The following SMYD3 variants were observed in gnomAD, a reference collection of about 807,000 sequenced individuals.
The protein encoded by SMYD3 is SET and MYND domain containing 3, also known as histone-lysine N-methyltransferase SMYD3.
A neutral mutation model predicts 57.7 loss-of-function variants in SMYD3; 36 were observed. The ratio of observed to expected loss-of-function variants is 0.62; its 90% CI spans 0.48 to 0.82. The LOEUF is 0.82. Among genes scored for constraint, SMYD3 ranks in the 40% least tolerant of loss-of-function variants. The probability of loss-of-function intolerance (pLI) is 0.00; values close to 1 mark genes in which losing one functional copy is unlikely to be tolerated. For synonymous variants in SMYD3, 211 were observed against 195.0 expected (o/e 1.08, Z -0.68); for missense variants, 515 against 538.8 (o/e 0.96, Z 0.44).
At chr1:246,151,039 A>G (rs1442981516) in intron 5 of SMYD3, among the ~76,000 whole-genome samples, 1 of 152,086 alleles carries the variant, frequency 6.6e-6, no homozygotes, top group African/African-American at 2.4e-5. Flanking sequence ...CGAGGTCAGG[A>G]GTTCAAGACC....
intron 5 of SMYD3, among the ~76,000 whole-genome samples, chr1:246,017,518 G>C (rs952430482): frequency 1.3e-5 from 2 of 152,126 alleles, no homozygotes; most frequent in Non-Finnish European, 2.9e-5. Context: ...TCTCAGTTTG[G>C]GGTTGCTTGA....
At chr1:246,164,161 A>G (rs1318911842) in intron 5 of SMYD3, among the ~76,000 whole-genome samples, 1 of 152,172 alleles carries the variant, frequency 6.6e-6, no homozygotes, top group Non-Finnish European at 1.5e-5. Context: ...AACGAGCTAT[A>G]TAAAAATAAG....
chr1:245,770,912 G>A (rs2046306367), intron 10 of SMYD3, among the ~76,000 whole-genome samples: 1 of 152,064 alleles, frequency 6.6e-6, no homozygotes, highest in South Asian at 2.1e-4. Flanking sequence ...TGAACTGCAA[G>A]GTAGGTCAAA....
intron 5 of SMYD3, among the ~76,000 whole-genome samples, chr1:246,091,129 T>G (rs768594451): frequency 3.3e-5 from 5 of 152,174 alleles, no homozygotes; most frequent in Admixed American, 2.6e-4. Context: ...AAGACTGGGA[T>G]GCCAGGCGTA....
chr1:246,043,883 G>A (rs1277884461), intron 5 of SMYD3, among the ~76,000 whole-genome samples: 1 of 152,128 alleles, frequency 6.6e-6, no homozygotes, highest in Non-Finnish European at 1.5e-5. Context: ...ACAGAGAGTG[G>A]ACTGGATAAT....
intron 5 of SMYD3, among the ~76,000 whole-genome samples, chr1:246,099,022 C>T (rs2060964097): frequency 6.6e-6 from 1 of 152,146 alleles, no homozygotes; most frequent in African/African-American, 2.4e-5. Flanking sequence ...TCCAGCCAAC[C>T]TCTTCTAACC....
chr1:245,995,789 T>G (rs1223183613), intron 5 of SMYD3, among the ~76,000 whole-genome samples: 1 of 151,986 alleles, frequency 6.6e-6, no homozygotes, highest in Non-Finnish European at 1.5e-5. Context: ...CAGAGACACA[T>G]GCAACTCCTG....
chr1:245,993,576 AAAAAGATAGATAGATAGATAGATAGAT>A (rs1187821086), intron 5 of SMYD3, among the ~76,000 whole-genome samples: 2 of 120,368 alleles, frequency 1.7e-5, no homozygotes, highest in Non-Finnish European at 3.7e-5. Flanking sequence ...CTCAAAAAAA[AAAAAGATAGATAGATAGATAGATAGAT>A]AGATAGATAG....
At chr1:245,894,275 CA>C (rs2053599422) in intron 8 of SMYD3, among the ~76,000 whole-genome samples, 2 of 94 alleles carry the variant, frequency 0.021, no homozygotes, top group Admixed American at 0.1. Flanking sequence ...ATGGACCAAT[CA>C]GCACCCTGTA....
chr1:246,258,326 T>C (rs1303716431), intron 5 of SMYD3, among the ~76,000 whole-genome samples: 1 of 152,144 alleles, frequency 6.6e-6, no homozygotes, highest in African/African-American at 2.4e-5. Flanking sequence ...TGAGCCACCA[T>C]GCCTGGCCTC....
intron 5 of SMYD3, among the ~76,000 whole-genome samples, chr1:246,318,700 A>C (rs529160653): frequency 7.2e-5 from 11 of 152,384 alleles, no homozygotes; most frequent in African/African-American, 2.6e-4. Context: ...ATTAATGGCA[A>C]GTTATACACT....
At chr1:246,201,931 T>A (rs1261581435) in intron 5 of SMYD3, among the ~76,000 whole-genome samples, 1 of 151,620 alleles carries the variant, frequency 6.6e-6, no homozygotes, top group African/African-American at 2.4e-5. Context: ...GAGAATCGCT[T>A]GCACCCGGGA....
chr1:245,862,719 ATCTAATGTAAGTTTCTTGAT>A (rs1359421061), intron 9 of SMYD3, among the ~76,000 whole-genome samples: 1 of 152,236 alleles, frequency 6.6e-6, no homozygotes, highest in Admixed American at 6.5e-5. Flanking sequence ...CTTTGCTAAC[ATCTAATGTAAGTTTCTTGAT>A]TACTTTTCGT....
chr1:246,057,134 A>C (rs2060165668), intron 5 of SMYD3, among the ~76,000 whole-genome samples: 1 of 152,228 alleles, frequency 6.6e-6, no homozygotes. Context: ...CTATAAAAAT[A>C]ACAATAATAA....
chr1:246,172,466 T>C, intron 5 of SMYD3, among the ~76,000 whole-genome samples: 1 of 139,332 alleles, frequency 7.2e-6, no homozygotes, highest in Non-Finnish European at 1.6e-5. Context: ...TGTTCTCTAC[T>C]GCAGACTATC....
At chr1:245,866,596 G>A (rs1425500691) in intron 8 of SMYD3, among the ~76,000 whole-genome samples, 3 of 152,106 alleles carry the variant, frequency 2.0e-5, no homozygotes, top group Non-Finnish European at 1.5e-5. Flanking sequence ...GCTGGGTCTA[G>A]TGGCACACGC....
intron 5 of SMYD3, among the ~76,000 whole-genome samples, chr1:245,960,852 TCA>T (rs1460781866): frequency 1.3e-5 from 2 of 152,240 alleles, no homozygotes; most frequent in East Asian, 3.8e-4. Context: ...TTTGCATTTT[TCA>T]CAGAGAGAAA....
intron 5 of SMYD3, among the ~76,000 whole-genome samples, chr1:246,297,214 C>G (rs906365450): frequency 6.6e-6 from 1 of 152,018 alleles, no homozygotes; most frequent in African/African-American, 2.4e-5. Flanking sequence ...TTGAGAGATG[C>G]CAACATTTAA....
At chr1:246,195,758 T>C (rs1443613551) in intron 5 of SMYD3, among the ~76,000 whole-genome samples, 1 of 152,196 alleles carries the variant, frequency 6.6e-6, no homozygotes, top group Non-Finnish European at 1.5e-5. Context: ...TAATACAACA[T>C]CGCATACCTG....
Sources: gnomAD v4.1 joint callset for allele counts (sites outside exome capture counted in the v4.1 genomes callset) on GRCh38, gnomAD v4.1.1 for gene constraint, MANE v1.5 for transcripts, NCBI Gene and HGNC (gene_info 2026-07-23, HGNC 2026-07-21) for gene names.